The following NRG3 variants were observed in gnomAD, a reference collection of about 807,000 sequenced individuals.
NRG3 encodes the protein pro-neuregulin-3, membrane-bound isoform.
NRG3 carries 31 observed loss-of-function variants against 66.9 expected under a neutral mutation model. The ratio of observed to expected loss-of-function variants is 0.46; its 90% CI spans 0.35 to 0.63. NRG3 has a LOEUF of 0.63. NRG3 is among the 20% of genes least tolerant of loss of function. The probability of loss-of-function intolerance (pLI) is 0.00; values close to 1 mark genes in which losing one functional copy is unlikely to be tolerated. For synonymous variants in NRG3, 393 were observed against 359.4 expected, an observed-to-expected ratio of 1.09 and a Z score of -1.06; for missense variants, 910 against 878.9, an observed-to-expected ratio of 1.04 and a Z score of -0.45.
chr10:82,881,151 A>G (rs1341202005), intron 4 of NRG3, among the ~76,000 whole-genome samples: 1 of 152,216 alleles, frequency 6.6e-6, no homozygotes, highest in Non-Finnish European at 1.5e-5. Context: ...GGCAAACACA[A>G]CCTGCAAGCT....
At chr10:82,566,153 T>C (rs896981760) in intron 2 of NRG3, among the ~76,000 whole-genome samples, 5 of 152,100 alleles carry the variant, frequency 3.3e-5, no homozygotes, top group Non-Finnish European at 7.4e-5. Context: ...ACTATTATTC[T>C]TACTTTCATG....
rs1337020531 is a variant in NRG3 at position 82,625,744 on chromosome 10, A to T, written c.954-112833A>T. Reference sequence around the variant, plus strand: ...GCAGATGTGCAGCATGTCAGAAAGCATTTTCAAATTAAAGATGGAAACATA... The same window carrying T: ...GCAGATGTGCAGCATGTCAGAAAGCTTTTTCAAATTAAAGATGGAAACATA... On this transcript the variant is annotated intron_variant, in intron 2 of 8. Transcript: ENST00000372141. 2.6e-5 allele frequency among the ~76,000 whole-genome samples: 4 copies of T among 152,208 alleles called. No individual in the cohort carries two copies. In the East Asian group the frequency reaches 7.7e-4, roughly 29 times the overall value.
At chr10:82,732,674 A>G (rs2134667220) in intron 2 of NRG3, among the ~76,000 whole-genome samples, 1 of 152,360 alleles carries the variant, frequency 6.6e-6, no homozygotes, top group African/African-American at 2.4e-5. Flanking sequence ...CAGGTATTGT[A>G]TCATTTACTC....
intron 1 of NRG3, among the ~76,000 whole-genome samples, chr10:81,905,679 C>T (rs985200326): frequency 1.3e-5 from 2 of 152,184 alleles, no homozygotes; most frequent in Non-Finnish European, 2.9e-5. Context: ...TCTGTTTTTA[C>T]AGGCCATTAC....
chr10:82,103,886 C>T (rs1012576350), intron 1 of NRG3, among the ~76,000 whole-genome samples: 2 of 151,062 alleles, frequency 1.3e-5, no homozygotes, highest in African/African-American at 4.9e-5. Context: ...AACAAACAAA[C>T]AAATAAATAA....
chr10:82,714,886 T>A (rs2056883209), intron 2 of NRG3, among the ~76,000 whole-genome samples: 1 of 152,204 alleles, frequency 6.6e-6, no homozygotes, highest in African/African-American at 2.4e-5. Flanking sequence ...GTGAAAAATC[T>A]ATTAACTATG....
At chr10:82,278,538 C>G (rs2078970645) in intron 1 of NRG3, among the ~76,000 whole-genome samples, 1 of 152,062 alleles carries the variant, frequency 6.6e-6, no homozygotes, top group African/African-American at 2.4e-5. Flanking sequence ...GAGCAATTGG[C>G]TTTCCTCGTC....
chr10:82,702,059 T>G (rs889095822), intron 2 of NRG3, among the ~76,000 whole-genome samples: 1 of 152,238 alleles, frequency 6.6e-6, no homozygotes, highest in Non-Finnish European at 1.5e-5. Context: ...ATGCTGGCTG[T>G]CTGTGAAGCA....
At chr10:82,317,203 A>ATT (rs557938157) in intron 1 of NRG3, among the ~76,000 whole-genome samples, 69 of 142,634 alleles carry the variant, frequency 4.8e-4, no homozygotes, top group African/African-American at 1.1e-3. Flanking sequence ...GGTAGAATAG[A>ATT]TTTTTTTTTT....
At chr10:82,276,454 G>A (rs2134380521) in intron 1 of NRG3, among the ~76,000 whole-genome samples, 1 of 152,084 alleles carries the variant, frequency 6.6e-6, no homozygotes, top group East Asian at 1.9e-4. Flanking sequence ...ATAATTGGCT[G>A]ACATGTTTAT....
rs2068392075 is a variant in NRG3, at chr10:82,125,572, C to A, written c.824-233167C>A. ...AAGATCTTAGGCAAGTGTTCTTCAA[C>A]AAATACCATCAATATGCTGGTTAAC... is the stretch of plus-strand genomic sequence containing the variant. On this transcript the variant is annotated intron_variant, in intron 1 of 8. Coordinates refer to ENST00000372141, the MANE Select transcript of NRG3 (RefSeq NM_001010848.4). 2.6e-5 allele frequency among the ~76,000 whole-genome samples: 4 copies of A among 152,008 alleles called. No homozygotes were observed. In the South Asian group the frequency reaches 6.2e-4, roughly 24 times the overall value.
chr10:82,677,003 C>T (rs1332964339), intron 2 of NRG3, among the ~76,000 whole-genome samples: 1 of 151,462 alleles, frequency 6.6e-6, no homozygotes, highest in Non-Finnish European at 1.5e-5. Context: ...TAAAACTTTT[C>T]CCTTTATTTT....
chr10:81,958,264 G>GT (rs1246898059), intron 1 of NRG3, among the ~76,000 whole-genome samples: 1 of 152,158 alleles, frequency 6.6e-6, no homozygotes, highest in Non-Finnish European at 1.5e-5. Flanking sequence ...ACAAATCTTT[G>GT]TTTATTCAGA....
At chr10:81,976,847 A>G (rs2060143100) in intron 1 of NRG3, among the ~76,000 whole-genome samples, 1 of 151,514 alleles carries the variant, frequency 6.6e-6, no homozygotes, top group African/African-American at 2.4e-5. Context: ...TTTGTTTTTA[A>G]TGAAGATGTT....
At chr10:81,954,708 A>C (rs1849666609) in intron 1 of NRG3, among the ~76,000 whole-genome samples, 1 of 152,164 alleles carries the variant, frequency 6.6e-6, no homozygotes, top group Non-Finnish European at 1.5e-5. Context: ...GGCATTCTAA[A>C]AAAGGGTTTA....
intron 2 of NRG3, among the ~76,000 whole-genome samples, chr10:82,542,258 A>G (rs188295685): frequency 2.6e-5 from 4 of 152,304 alleles, no homozygotes; most frequent in Non-Finnish European, 5.9e-5. Flanking sequence ...CAGACTTTTT[A>G]GAGAAATAGC....
At chr10:82,197,223 G>T (rs377428176) in intron 1 of NRG3, among the ~76,000 whole-genome samples, 1 of 152,150 alleles carries the variant, frequency 6.6e-6, no homozygotes, top group South Asian at 2.1e-4. Context: ...CAGGCACATA[G>T]CAAGTGAATG....
chr10:82,040,177 A>T (rs4503475), intron 1 of NRG3, among the ~76,000 whole-genome samples: 5 of 151,906 alleles, frequency 3.3e-5, no homozygotes, highest in Non-Finnish European at 7.4e-5. Context: ...AGGAAACTTA[A>T]GCTTGGAAAT....
rs576786133 is a variant in NRG3 at position 82,188,405 on chromosome 10, T to G, written c.824-170334T>G. On this transcript the variant is annotated intron_variant, in intron 1 of 8. Coordinates refer to ENST00000372141, the MANE Select transcript of NRG3 (RefSeq NM_001010848.4). ...TCTAGGACATTGGTCTAGGCAAAGATTTTTTGAGCAGTACCCCAGCATAAG... is the reference window on the plus strand; with the variant it reads ...TCTAGGACATTGGTCTAGGCAAAGAGTTTTTGAGCAGTACCCCAGCATAAG... Among the ~76,000 whole-genome samples the G allele has an allele frequency of 1.6e-3, 237 of 152,200 alleles. 1 individual carries two copies. Among genetic ancestry groups the G allele is most frequent in the Non-Finnish European group, 2.8e-3 (192 of 68,006 alleles).
Sources: gnomAD v4.1 joint callset for allele counts (sites outside exome capture counted in the v4.1 genomes callset) on GRCh38, gnomAD v4.1.1 for gene constraint, MANE v1.5 for transcripts, NCBI Gene and HGNC (gene_info 2026-07-23, HGNC 2026-07-21) for gene names.